ATP2C1: variants seen among roughly 807,000 people sequenced by gnomAD.
ATP2C1 encodes calcium-transporting ATPase type 2C member 1.
A neutral mutation model predicts 120.5 loss-of-function variants in ATP2C1; 31 were observed. The ratio of observed to expected loss-of-function variants is 0.26; its 90% CI spans 0.19 to 0.35. ATP2C1 has a LOEUF of 0.35. ATP2C1 is among the 10% of genes least tolerant of loss of function. The pLI, the probability that ATP2C1 is intolerant of heterozygous loss-of-function variation, is 1.00. For synonymous variants in ATP2C1, 351 were observed against 358.7 expected, an observed-to-expected ratio of 0.98 and a Z score of 0.24; for missense variants, 731 against 1,107.5, an observed-to-expected ratio of 0.66 and a Z score of 4.83.
chr3:130,973,034 G>A (rs1217680457), intron 17 of ATP2C1, among the ~76,000 whole-genome samples: 1 of 151,576 alleles, frequency 6.6e-6, no homozygotes, highest in Non-Finnish European at 1.5e-5. Context: ...TATCAAAGTA[G>A]AACAGAAAGT....
chr3:130,925,324 C>T (rs578206597), intron 2 of ATP2C1, among the ~76,000 whole-genome samples: 1 of 152,126 alleles, frequency 6.6e-6, no homozygotes, highest in Non-Finnish European at 1.5e-5. Flanking sequence ...GAGTGCCAAA[C>T]TGTAGTGATT....
chr3:130,910,433 C>G (rs2058348957), intron 2 of ATP2C1, among the ~76,000 whole-genome samples: 1 of 140,084 alleles, frequency 7.1e-6, no homozygotes, highest in South Asian at 2.5e-4. Flanking sequence ...ATTGAATACC[C>G]TTTATTTCCT....
At chr3:130,973,652 T>G (rs1042171916) in intron 17 of ATP2C1, among the ~76,000 whole-genome samples, 1 of 152,206 alleles carries the variant, frequency 6.6e-6, no homozygotes, top group African/African-American at 2.4e-5. Flanking sequence ...TGGAAACTTA[T>G]GAATTATTTA....
intron 2 of ATP2C1, among the ~76,000 whole-genome samples, chr3:130,929,132 G>A (rs901311203): frequency 6.6e-6 from 1 of 152,064 alleles, no homozygotes; most frequent in African/African-American, 2.4e-5. Context: ...GTAAAGAAAG[G>A]TAATCTGTCT....
chr3:131,015,916 T>C, intron 26 of ATP2C1: 1 of 655,192 alleles, frequency 1.5e-6, no homozygotes, highest in Non-Finnish European at 2.7e-6. Context: ...TTTTTTAAAA[T>C]TGGATTGAAT....
At chr3:131,016,471 G>T in exon 27 of ATP2C1, 1 of 1,017,766 alleles carries the variant, frequency 9.8e-7, no homozygotes, top group Non-Finnish European at 1.4e-6. Flanking sequence ...TTCTCTTCTG[G>T]CTTCATAAAT....
chr3:130,988,069 T>G (rs1013268133), intron 20 of ATP2C1, among the ~76,000 whole-genome samples: 1 of 152,194 alleles, frequency 6.6e-6, no homozygotes, highest in East Asian at 1.9e-4. Context: ...ATTCACCAAG[T>G]CCCCATATTA....
chr3:130,880,490 G>T (rs2068746440), intron 1 of ATP2C1, among the ~76,000 whole-genome samples: 1 of 152,164 alleles, frequency 6.6e-6, no homozygotes, highest in African/African-American at 2.4e-5. Context: ...AATCAAGGAA[G>T]AAAAATAAGG....
At chr3:130,988,784 C>T (rs1389969434) in intron 20 of ATP2C1, among the ~76,000 whole-genome samples, 4 of 152,082 alleles carry the variant, frequency 2.6e-5, no homozygotes, top group Admixed American at 2.0e-4. Context: ...AGCATTTAGG[C>T]CACATCCTTA....
At chr3:130,977,777 C>T (rs954685192) in intron 18 of ATP2C1, among the ~76,000 whole-genome samples, 26 of 152,104 alleles carry the variant, frequency 1.7e-4, no homozygotes, top group South Asian at 4.1e-4. Context: ...TTTATCTACC[C>T]TTGTGCTCCA....
At chr3:130,911,330 CTT>C (rs1352652773) in intron 2 of ATP2C1, among the ~76,000 whole-genome samples, 1 of 149,674 alleles carries the variant, frequency 6.7e-6, no homozygotes, top group Non-Finnish European at 1.5e-5. Context: ...CTATTTGATT[CTT>C]CTCTCTTTTT....
At chr3:130,873,184 A>G (rs955318577) in intron 1 of ATP2C1, among the ~76,000 whole-genome samples, 1 of 152,226 alleles carries the variant, frequency 6.6e-6, no homozygotes, top group East Asian at 1.9e-4. Flanking sequence ...GATAAACTAC[A>G]AAAGGTAACT....
intron 16 of ATP2C1, among the ~76,000 whole-genome samples, 185 bp downstream of exon 16, chr3:130,967,604 C>G (rs528770461): frequency 6.6e-6 from 1 of 152,064 alleles, no homozygotes; most frequent in African/African-American, 2.4e-5. Context: ...AGACTTTTTT[C>G]AGTATAACTT....
chr3:130,938,545 G>C (rs2059765485), intron 6 of ATP2C1, among the ~76,000 whole-genome samples: 2 of 152,204 alleles, frequency 1.3e-5, no homozygotes, highest in African/African-American at 4.8e-5. Context: ...TAGAAAGCCA[G>C]TTGGAATCAG....
intron 26 of ATP2C1, chr3:131,014,252 G>T (rs1180788999): frequency 6.2e-7 from 1 of 1,613,618 alleles, no homozygotes; most frequent in Middle Eastern, 1.7e-4. Flanking sequence ...TTTCAGCGGG[G>T]GCATATGACC....
At chr3:130,936,591 T>A (rs2059679134) in intron 5 of ATP2C1, among the ~76,000 whole-genome samples, 1 of 151,712 alleles carries the variant, frequency 6.6e-6, no homozygotes, top group African/African-American at 2.4e-5. Context: ...GGCGGGTGGA[T>A]CATGAGGTCA....
chr3:130,996,682 G>T lies in ATP2C1; in HGVS notation c.2129G>T (p.Ser710Ile). The T allele has an allele frequency of 6.4e-7, 1 of 1,573,910 alleles. No individual in the cohort carries two copies. The highest frequency in any genetic ancestry group is 8.7e-7 in the Non-Finnish European group (1 of 1,143,650). The part of the protein sequence containing the change: ...KNFVRFQLST[S>I]IAALTLISLA... ...TAAATGACTCTCTTTTTCAACAGGA[G>T]TATAGCAGCATTAACTTTAATCTCA... Residue 710 changes from serine to isoleucine, a missense_variant and splice_region_variant, in exon 24 of 28, where the codon AGT (serine) becomes ATT (isoleucine). Coordinates refer to ENST00000510168, the MANE Select transcript of ATP2C1 (RefSeq NM_001378687.1).
At chr3:130,969,226 G>A in intron 16 of ATP2C1, 66 bp from the exon 17 acceptor site, 1 of 1,156,060 alleles carries the variant, frequency 8.7e-7, no homozygotes, top group East Asian at 2.4e-5. Context: ...GGTGACCCTT[G>A]TTCTTTGTTA....
intron 2 of ATP2C1, among the ~76,000 whole-genome samples, chr3:130,925,406 A>G (rs1325145122): frequency 6.6e-6 from 1 of 152,154 alleles, no homozygotes; most frequent in African/African-American, 2.4e-5. Flanking sequence ...GAGTGTCTGT[A>G]AAGAGTCCTA....
Sources: allele counts gnomAD v4.1 joint callset (sites outside exome capture counted in the v4.1 genomes callset), GRCh38; gene constraint gnomAD v4.1.1; transcripts MANE v1.5; gene names NCBI Gene and HGNC (gene_info 2026-07-23, HGNC 2026-07-21).